The following CDH18 variants were observed in gnomAD, a reference collection of about 807,000 sequenced individuals.
CDH18 encodes the protein cadherin-18.
A neutral mutation model predicts 67.9 loss-of-function variants in CDH18; 31 were observed. The ratio of observed to expected loss-of-function variants is 0.46; its 90% confidence interval spans 0.34 to 0.62. The LOEUF (loss-of-function observed/expected upper bound fraction) is 0.62. Among genes scored for constraint, CDH18 ranks in the 20% least tolerant of loss-of-function variants. The pLI, the probability that CDH18 is intolerant of heterozygous loss-of-function variation, is 0.01. For missense variants in CDH18, 890 were observed against 975.5 expected, an observed-to-expected ratio of 0.91 and a Z score of 1.17; for synonymous variants, 362 against 347.2, an observed-to-expected ratio of 1.04 and a Z score of -0.48.
At chr5:20,357,556 A>C (rs1741735214) in intron 1 of CDH18, among the ~76,000 whole-genome samples, 1 of 152,216 alleles carries the variant, frequency 6.6e-6, no homozygotes, top group Admixed American at 6.6e-5. Flanking sequence ...ACATGAAAAA[A>C]TGCTCTTCAT....
rs933105114 is a variant in CDH18 at position 20,395,443 on chromosome 5, T to C, written c.-579-139938A>G. Among the ~76,000 whole-genome samples the C allele has an allele frequency of 6.6e-5, 10 of 151,760 alleles. No individual in the cohort carries two copies. The East Asian group carries it at 1.9e-3, about 29-fold the overall frequency. On this transcript the variant is annotated intron_variant, in intron 1 of 14. Coordinates refer to the CDH18 transcript ENST00000507958. The stretch of plus-strand genomic sequence containing the variant: ...GTAATGGACACTGGAGACTCAGAAA[T>C]AGAGAGGGTAGGAAGTAGGAATAAG...
chr5:20,290,417 G>T (rs1747016416), intron 1 of CDH18, among the ~76,000 whole-genome samples: 1 of 152,056 alleles, frequency 6.6e-6, no homozygotes. Context: ...ATCAGAGATG[G>T]CAACATCTAT....
intron 1 of CDH18, among the ~76,000 whole-genome samples, chr5:19,986,625 T>A (rs749415349): frequency 3.3e-5 from 5 of 152,144 alleles, no homozygotes; most frequent in Non-Finnish European, 7.4e-5. Flanking sequence ...CTATACCAGG[T>A]CAATTTATTA....
intron 1 of CDH18, chr5:20,305,760 C>A (rs1239414161): frequency 1.1e-5 from 3 of 284,924 alleles, no homozygotes; most frequent in Non-Finnish European, 2.0e-5. Flanking sequence ...ACGCTTTGGG[C>A]GGCCATTTTG....
chr5:20,391,838 T>A, intron 1 of CDH18, among the ~76,000 whole-genome samples: 1 of 152,060 alleles, frequency 6.6e-6, no homozygotes, highest in East Asian at 1.9e-4. Flanking sequence ...CCAATCTCCA[T>A]TGAATAAGAA....
At chr5:19,698,726 A>G (rs1382333354) in intron 5 of CDH18, among the ~76,000 whole-genome samples, 1 of 152,076 alleles carries the variant, frequency 6.6e-6, no homozygotes, top group African/African-American at 2.4e-5. Flanking sequence ...GACACCTTTG[A>G]AAAGGGAGAG....
At chr5:20,135,577 G>A (rs1476769792) in intron 2 of CDH18, among the ~76,000 whole-genome samples, 6 of 151,750 alleles carry the variant, frequency 4.0e-5, no homozygotes, top group African/African-American at 1.5e-4. Flanking sequence ...AGAGTTTTTT[G>A]TGTCTCTAAT....
intron 3 of CDH18, among the ~76,000 whole-genome samples, chr5:19,784,151 T>C (rs748666568): frequency 6.6e-6 from 1 of 152,136 alleles, no homozygotes; most frequent in Non-Finnish European, 1.5e-5. Flanking sequence ...TAGAAATGTA[T>C]AGCCTATGTT....
chr5:20,445,412 T>A (rs965817249), intron 1 of CDH18, among the ~76,000 whole-genome samples: 3 of 152,202 alleles, frequency 2.0e-5, no homozygotes, highest in Non-Finnish European at 4.4e-5. Context: ...TTCTTGGTCA[T>A]AATAATACTT....
chr5:19,627,317 A>G (rs1172237043), intron 5 of CDH18, among the ~76,000 whole-genome samples: 1 of 152,248 alleles, frequency 6.6e-6, no homozygotes, highest in African/African-American at 2.4e-5. Flanking sequence ...ATATTGATGA[A>G]CAAGTGAAAT....
intron 5 of CDH18, among the ~76,000 whole-genome samples, chr5:19,642,316 T>C (rs968373832): frequency 6.6e-6 from 1 of 151,534 alleles, no homozygotes; most frequent in Admixed American, 6.6e-5. Flanking sequence ...TTTATGGAAA[T>C]AGAAAAAAAA....
At chr5:19,882,184 G>T (rs1413383854) in intron 2 of CDH18, among the ~76,000 whole-genome samples, 1 of 152,012 alleles carries the variant, frequency 6.6e-6, no homozygotes, top group Non-Finnish European at 1.5e-5. Context: ...GAAGAAAATT[G>T]CCAACTCAAA....
intron 5 of CDH18, among the ~76,000 whole-genome samples, chr5:19,672,192 G>A (rs1042400656): frequency 6.6e-6 from 1 of 152,096 alleles, no homozygotes; most frequent in Non-Finnish European, 1.5e-5. Context: ...TTCTTTGTGA[G>A]AATATCAGCA....
At chr5:20,499,750 T>C (rs944805147) in intron 1 of CDH18, among the ~76,000 whole-genome samples, 3 of 152,180 alleles carry the variant, frequency 2.0e-5, no homozygotes, top group African/African-American at 7.2e-5. Flanking sequence ...GTTTGTTACA[T>C]GAATGGGTAA....
chr5:20,381,814 T>G (rs928850095), intron 1 of CDH18, among the ~76,000 whole-genome samples: 2 of 152,108 alleles, frequency 1.3e-5, no homozygotes, highest in African/African-American at 4.8e-5. Context: ...TAAAGGAGAA[T>G]GGCTTGAGGT....
At chr5:20,401,968 T>G (rs1164445305) in intron 1 of CDH18, among the ~76,000 whole-genome samples, 7 of 152,192 alleles carry the variant, frequency 4.6e-5, no homozygotes, top group Non-Finnish European at 1.0e-4. Flanking sequence ...CTTCTAAGCC[T>G]TCTTATCTGG....
rs184830081 is a variant in CDH18 at position 20,070,981 on chromosome 5, A to G, written c.-517-78967T>C. 4.6e-5 allele frequency among the ~76,000 whole-genome samples: 7 copies of G among 152,310 alleles called. No individual in the cohort carries two copies. The East Asian group carries it at 1.4e-3, about 29-fold the overall frequency. On this transcript the variant is annotated intron_variant, in intron 2 of 14. Coordinates refer to the CDH18 transcript ENST00000507958. ...TACCATTTTCCTAAAATCTGAGGTG[A>G]AAAAATTTAATGAACGTATTTAGCC...
chr5:19,919,528 C>T (rs981976490), intron 2 of CDH18, among the ~76,000 whole-genome samples: 1 of 152,138 alleles, frequency 6.6e-6, no homozygotes, highest in South Asian at 2.1e-4. Flanking sequence ...AATTGTGGAA[C>T]ATCCAGTTGA....
intron 1 of CDH18, among the ~76,000 whole-genome samples, chr5:20,512,844 A>G (rs1313237443): frequency 3.4e-5 from 5 of 146,536 alleles, no homozygotes; most frequent in African/African-American, 1.3e-4. Context: ...AGATTGCACT[A>G]CTGCACTCCA....
Sources: gnomAD v4.1 joint callset for allele counts (sites outside exome capture counted in the v4.1 genomes callset) on GRCh38, gnomAD v4.1.1 for gene constraint, MANE v1.5 for transcripts, NCBI Gene and HGNC (gene_info 2026-07-23, HGNC 2026-07-21) for gene names.